The following ZNF674 variants were observed in gnomAD, a reference collection of about 807,000 sequenced individuals.
The protein encoded by ZNF674 is zinc finger protein 674, also known as zinc finger family member 674.
A neutral mutation model predicts 7.0 loss-of-function variants in ZNF674; 2 were observed. The observed-to-expected ratio is 0.29, with a 90% CI of 0.12 to 0.90. ZNF674 has a LOEUF of 0.90. Ranked by LOEUF, ZNF674 falls within the 40% of genes least tolerant of loss-of-function variation. The pLI is 0.57. For synonymous variants in ZNF674, 103 were observed against 145.2 expected (o/e 0.71, Z 2.09); for missense variants, 297 against 415.5 (o/e 0.71, Z 2.48).
intron 5 of ZNF674, chrX:46,523,752 C>CA (rs1361479260): frequency 9.0e-6 from 1 of 111,614 alleles, no homozygotes; most frequent in Non-Finnish European, 1.9e-5. Flanking sequence ...TATAAAAAAA[C>CA]AAATTTGTAG....
In ZNF674 at chrX:46,499,884, TGA is replaced by T. The variant is rs1941379771; in HGVS notation, c.1688_1689del (p.Leu563HisfsTer2). 3 of 1,155,811 alleles carry T rather than the reference TGA, an allele frequency of 2.6e-6. No individual in the cohort carries two copies. Among genetic ancestry groups the T allele is most frequent in the Non-Finnish European group, 3.5e-6 (3 of 869,047 alleles). On this transcript the variant is annotated frameshift_variant, in exon 6 of 6. Coordinates refer to ENST00000683375, the MANE Select transcript of ZNF674 (RefSeq NM_001190417.2). LOFTEE classifies it low-confidence loss of function (END_TRUNC). Reference sequence around the variant, plus strand: ...CCTGTGTGACTTCTCTGATGTTTAATGAGAGTTGACTTCCCACTGAATGCTTT... The same window carrying T: ...CCTGTGTGACTTCTCTGATGTTTAATGAGTTGACTTCCCACTGAATGCTTT... ...CGKAFSGKST[L>X]IKHQRSHTGD...
chrX:46,537,318 G>GA (rs771319280), intron 3 of ZNF674, among the ~76,000 whole-genome samples: 1,056 of 93,511 alleles, frequency 0.011, 13 homozygotes, highest in African/African-American at 0.034. Flanking sequence ...TTGTCTAAAT[G>GA]AAAAAAAAAA....
chrX:46,504,769 T>C (rs1286973069), intron 5 of ZNF674, among the ~76,000 whole-genome samples: 1 of 111,810 alleles, frequency 8.9e-6, no homozygotes, highest in Admixed American at 9.5e-5. Flanking sequence ...ACAAAATTCA[T>C]GATACTGTTT....
At chrX:46,507,339 A>G (rs916311926) in intron 5 of ZNF674, among the ~76,000 whole-genome samples, 1 of 111,588 alleles carries the variant, frequency 9.0e-6, no homozygotes, top group Admixed American at 9.6e-5. Flanking sequence ...AGCCTGGGCA[A>G]CACAGCAAGA....
intron 5 of ZNF674, among the ~76,000 whole-genome samples, chrX:46,506,160 T>C (rs955463421): frequency 8.9e-6 from 1 of 111,991 alleles, no homozygotes; most frequent in Non-Finnish European, 1.9e-5. Flanking sequence ...TCTGGGAACT[T>C]GGCTTGTGAA....
chrX:46,539,028 T>C (rs962595557), intron 3 of ZNF674, among the ~76,000 whole-genome samples: 2 of 110,390 alleles, frequency 1.8e-5, no homozygotes, highest in Admixed American at 1.9e-4. Flanking sequence ...CTACAAAAAA[T>C]ACAAAAATTA....
chrX:46,530,744 G>C (rs1339852278), intron 3 of ZNF674, among the ~76,000 whole-genome samples: 1 of 113,324 alleles, frequency 8.8e-6, no homozygotes, highest in African/African-American at 3.2e-5. Flanking sequence ...TGAGATGACT[G>C]TTAGCTGGCT....
In ZNF674 at chrX:46,499,981, C is replaced by T. The variant is rs766105267; in HGVS notation, c.1593G>A (p.Val531=). The change falls in exon 6 of 6, where the codon GTG becomes GTA. Residue 531 remains valine (V), a synonymous_variant. Coordinates refer to ENST00000683375, the MANE Select transcript of ZNF674 (RefSeq NM_001190417.2). ...TGTGATGCACAATGAGAGTTGATTTCACACTGAAGGCCTTCCCACATTCAC... is the reference window on the plus strand; with the variant it reads ...TGTGATGCACAATGAGAGTTGATTTTACACTGAAGGCCTTCCCACATTCAC... The part of the protein sequence containing the change: ...KCSECGKAFS[V]KSTLIVHHRT... The T allele has an allele frequency of 2.5e-6, 3 of 1,201,324 alleles. No homozygotes were observed. Among genetic ancestry groups the T allele is most frequent in the Admixed American group, 4.4e-5 (2 of 45,215 alleles).
chrX:46,532,743 T>A (rs1274352243), intron 3 of ZNF674, among the ~76,000 whole-genome samples: 6 of 112,143 alleles, frequency 5.4e-5, no homozygotes, highest in Non-Finnish European at 1.1e-4. Context: ...TAAAAGATAA[T>A]AGACCACAGG....
At position 46,533,811 on chromosome X, in the gene ZNF674, C is replaced by CAAAAA. The variant is rs763490420; in HGVS notation, c.16-4907_16-4903dup. ...TGGGTGATAGAGTGAGACCCTGTCT[C>CAAAAA]AAAAAAAAAAAAAAAAAAATATATA... On this transcript the variant is annotated intron_variant, in intron 3 of 5. Transcript: ENST00000683375. Among the ~76,000 whole-genome samples, 69 of 23,892 alleles carry CAAAAA rather than the reference C, an allele frequency of 2.9e-3. 1 individual carries two copies. Among genetic ancestry groups the CAAAAA allele is most frequent in the African/African-American group, 8.9e-3 (42 of 4,693 alleles). The allele number at this position is 23,892 out of a possible 115,157, so 20.7% of individuals were successfully genotyped here. A position where few individuals can be genotyped will look rare whatever the true frequency, so the allele number is the denominator to read the frequency against.
intron 3 of ZNF674, among the ~76,000 whole-genome samples, chrX:46,541,576 A>G (rs1270622044): frequency 9.0e-6 from 1 of 111,533 alleles, no homozygotes; most frequent in Non-Finnish European, 1.9e-5. Context: ...ATATACGTGT[A>G]CGTTTTTAGT....
At chrX:46,529,275 A>G in intron 3 of ZNF674, 1 of 213,041 alleles carries the variant, frequency 4.7e-6, no homozygotes, top group Admixed American at 5.9e-5. Context: ...GGAGAAAGAG[A>G]TAGAGTATGA....
At position 46,528,396 on chromosome X, in the gene ZNF674, G is replaced by C. The variant is rs760459210; in HGVS notation, c.192C>G (p.Asp64Glu). The change falls in exon 5 of 6, where the codon GAC (aspartate) becomes GAG (glutamate). Residue 64 changes from aspartate to glutamate, a missense_variant. Coordinates refer to ENST00000683375, the MANE Select transcript of ZNF674 (RefSeq NM_001190417.2). ...PDVIFRLGPG[D>E]ESWMADGGTP... ...TCCCTCCATCTGCCATCCAGGACTC[G>C]TCACCTGGTCCCAACCTGAAGATCA... 98 of 1,209,593 alleles carry C rather than the reference G, an allele frequency of 8.1e-5. No homozygotes were observed. Among genetic ancestry groups the C allele is most frequent in the Non-Finnish European group, 1.1e-4 (94 of 895,189 alleles).
At chrX:46,532,183 C>G (rs143489953) in intron 3 of ZNF674, among the ~76,000 whole-genome samples, 1,339 of 111,645 alleles carry the variant, frequency 0.012, 23 homozygotes, top group African/African-American at 0.041. Flanking sequence ...AAACAAAAAA[C>G]AAAACAAAAC....
At chrX:46,541,671 G>C (rs1032102908) in intron 3 of ZNF674, among the ~76,000 whole-genome samples, 2 of 112,064 alleles carry the variant, frequency 1.8e-5, no homozygotes, top group Non-Finnish European at 3.8e-5. Context: ...CGTGGTACTG[G>C]GGGGAGAAGA....
intron 3 of ZNF674, among the ~76,000 whole-genome samples, chrX:46,529,853 G>A (rs1315472418): frequency 2.2e-4 from 24 of 111,301 alleles, no homozygotes; most frequent in Admixed American, 2.1e-3. Flanking sequence ...TCTGCTTAGC[G>A]CTGACAGAGC....
At chrX:46,542,275 G>A (rs1414631660) in intron 2 of ZNF674, among the ~76,000 whole-genome samples, 159 bp from the exon 3 acceptor site, 1 of 111,801 alleles carries the variant, frequency 8.9e-6, no homozygotes. Flanking sequence ...AAGATCATGT[G>A]GGTTTTGCAC....
intron 3 of ZNF674, among the ~76,000 whole-genome samples, chrX:46,537,826 C>T (rs1015708988): frequency 4.5e-5 from 5 of 112,197 alleles, no homozygotes; most frequent in African/African-American, 1.3e-4. Context: ...TGGTGGCTCA[C>T]GCCTGTAATC....
intron 5 of ZNF674, among the ~76,000 whole-genome samples, chrX:46,503,720 A>C (rs1941475490): frequency 8.9e-6 from 1 of 112,125 alleles, no homozygotes; most frequent in Non-Finnish European, 1.9e-5. Flanking sequence ...GAAGGATAAA[A>C]GACGAGAATA....
Sources: gnomAD v4.1 joint callset for allele counts (sites outside exome capture counted in the v4.1 genomes callset) on GRCh38, gnomAD v4.1.1 for gene constraint, MANE v1.5 for transcripts, NCBI Gene and HGNC (gene_info 2026-07-23, HGNC 2026-07-21) for gene names.